HS3ST4: variants seen among roughly 807,000 people sequenced by gnomAD.
HS3ST4 encodes the protein heparan sulfate glucosamine 3-O-sulfotransferase 4.
HS3ST4 carries 17 observed loss-of-function variants against 29.2 expected under a neutral mutation model. That is an observed-to-expected ratio of 0.58 (90% confidence interval 0.40 to 0.87). The LOEUF is 0.87. Among genes scored for constraint, HS3ST4 ranks in the 40% least tolerant of loss-of-function variants. The pLI, the probability that HS3ST4 is intolerant of heterozygous loss-of-function variation, is 0.00. For synonymous variants in HS3ST4, 314 were observed against 285.7 expected (o/e 1.10, Z -1.00); for missense variants, 627 against 634.5 (o/e 0.99, Z 0.13).
chr16:25,864,063 T>C (rs1420238547), intron 1 of HS3ST4, among the ~76,000 whole-genome samples: 2 of 152,172 alleles, frequency 1.3e-5, no homozygotes, highest in East Asian at 3.9e-4. Context: ...CGCCCTCTTC[T>C]CTCTGTGTGT....
intron 1 of HS3ST4, among the ~76,000 whole-genome samples, chr16:25,828,272 C>CTT (rs1416304002): frequency 1.2e-5 from 1 of 86,292 alleles, no homozygotes; most frequent in Non-Finnish European, 2.3e-5. Flanking sequence ...TTCTTTCTTT[C>CTT]TTTCTTTCTT....
At chr16:25,769,890 G>A (rs1966839730) in intron 1 of HS3ST4, among the ~76,000 whole-genome samples, 1 of 152,128 alleles carries the variant, frequency 6.6e-6, no homozygotes, top group Non-Finnish European at 1.5e-5. Context: ...GCAAAGGCAG[G>A]AGGAGAACCC....
At chr16:25,706,834 A>G (rs1966379284) in intron 1 of HS3ST4, among the ~76,000 whole-genome samples, 1 of 152,248 alleles carries the variant, frequency 6.6e-6, no homozygotes, top group Admixed American at 6.5e-5. Flanking sequence ...ATGTAATTCC[A>G]AGGAATTGTA....
chr16:26,043,112 C>G (rs1305604325), intron 1 of HS3ST4, among the ~76,000 whole-genome samples: 4 of 152,106 alleles, frequency 2.6e-5, no homozygotes, highest in African/African-American at 9.7e-5. Flanking sequence ...TATCTATATA[C>G]CTACCTACCT....
intron 1 of HS3ST4, among the ~76,000 whole-genome samples, chr16:25,759,423 T>C (rs1344760631): frequency 6.6e-6 from 1 of 152,224 alleles, no homozygotes. Flanking sequence ...CTTGAGTAGC[T>C]TGCAGTCTAG....
intron 1 of HS3ST4, among the ~76,000 whole-genome samples, chr16:25,968,537 C>T (rs1968866202): frequency 6.6e-6 from 1 of 152,070 alleles, no homozygotes; most frequent in East Asian, 1.9e-4. Flanking sequence ...TTTCTATTTT[C>T]CTGCATTCAG....
At chr16:25,800,048 T>TCTTG (rs1174624230) in intron 1 of HS3ST4, among the ~76,000 whole-genome samples, 9 of 151,010 alleles carry the variant, frequency 6.0e-5, no homozygotes, top group South Asian at 2.1e-4. Context: ...CTTCCTTCCT[T>TCTTG]CCTTCTTGCC....
chr16:26,055,274 T>A (rs1466411518), intron 1 of HS3ST4, among the ~76,000 whole-genome samples: 1 of 152,170 alleles, frequency 6.6e-6, no homozygotes, highest in East Asian at 1.9e-4. Flanking sequence ...GATGTGTGGC[T>A]GTGGCTAAGT....
chr16:26,047,394 C>A (rs547528466), intron 1 of HS3ST4, among the ~76,000 whole-genome samples: 1 of 152,192 alleles, frequency 6.6e-6, no homozygotes, highest in South Asian at 2.1e-4. Flanking sequence ...CTGTAGCAAC[C>A]TTTCATTTAT....
intron 1 of HS3ST4, among the ~76,000 whole-genome samples, chr16:25,717,948 G>C (rs778434279): frequency 1.3e-5 from 2 of 152,112 alleles, no homozygotes; most frequent in African/African-American, 4.8e-5. Flanking sequence ...ATGGAAAGAA[G>C]TGGCTGACTT....
At position 26,136,777 on chromosome 16, in the gene HS3ST4, T is replaced by G. The variant is rs1008031416; in HGVS notation, c.*529T>G. On this transcript the variant is annotated 3_prime_UTR_variant, in exon 2 of 2. Coordinates refer to ENST00000331351, the MANE Select transcript of HS3ST4 (RefSeq NM_006040.3). ...CCTCCCTCTAAGGTGTTTCTAGTCT[T>G]CTCTTTAAAGGTCTCATCCCACAAC... 6.4e-6 allele frequency: 1 copy of G among 157,408 alleles called. No homozygotes were observed. The highest frequency in any genetic ancestry group is 1.4e-5 in the Non-Finnish European group (1 of 71,024). 9.8% of individuals were successfully genotyped at this position (157,408 alleles called of 1,614,324 possible).
In HS3ST4 at chr16:25,694,895, C is replaced by T. The variant is rs936385071; in HGVS notation, c.734+1744C>T. Among the ~76,000 whole-genome samples the T allele has an allele frequency of 1.2e-4, 18 of 144,948 alleles. 1 individual carries two copies. Among genetic ancestry groups the T allele is most frequent in the Admixed American group, 4.3e-4 (6 of 13,884 alleles). ...TTTGTGGCAGCTGGAAACAGAGGGC[C>T]GGGGGTGTTTTATTTGGGTGACTTA... is the stretch of plus-strand genomic sequence containing the variant. On this transcript the variant is annotated intron_variant, in intron 1 of 1. Transcript: ENST00000331351.
At chr16:25,937,979 A>G (rs1968533485) in intron 1 of HS3ST4, among the ~76,000 whole-genome samples, 1 of 152,176 alleles carries the variant, frequency 6.6e-6, no homozygotes, top group Admixed American at 6.5e-5. Flanking sequence ...GGAAATGCGC[A>G]GGGTTGGAGA....
chr16:26,030,371 A>C (rs752867356), intron 1 of HS3ST4, among the ~76,000 whole-genome samples: 1 of 152,132 alleles, frequency 6.6e-6, no homozygotes, highest in Non-Finnish European at 1.5e-5. Context: ...GTGCCGTTGC[A>C]CTCTAGCCTA....
At chr16:25,816,919 A>G (rs534047127) in intron 1 of HS3ST4, among the ~76,000 whole-genome samples, 1 of 152,248 alleles carries the variant, frequency 6.6e-6, no homozygotes, top group Admixed American at 6.5e-5. Context: ...GAGATAACCC[A>G]TTAATCCATT....
At chr16:26,090,085 G>A (rs1292339959) in intron 1 of HS3ST4, among the ~76,000 whole-genome samples, 1 of 152,070 alleles carries the variant, frequency 6.6e-6, no homozygotes, top group Non-Finnish European at 1.5e-5. Flanking sequence ...ACACATTACA[G>A]GTACTTAATA....
intron 1 of HS3ST4, among the ~76,000 whole-genome samples, chr16:26,004,245 TAGAA>T (rs1238483160): frequency 2.0e-5 from 3 of 152,144 alleles, no homozygotes; most frequent in African/African-American, 7.2e-5. Context: ...GTTGGATAAA[TAGAA>T]AGTATTATGG....
At chr16:25,929,450 T>C (rs1567274610) in intron 1 of HS3ST4, among the ~76,000 whole-genome samples, 1 of 152,126 alleles carries the variant, frequency 6.6e-6, no homozygotes, top group Non-Finnish European at 1.5e-5. Flanking sequence ...GAACCAGTAC[T>C]ATCCTCCAGG....
chr16:25,816,219 C>A (rs939419766), intron 1 of HS3ST4, among the ~76,000 whole-genome samples: 1 of 152,150 alleles, frequency 6.6e-6, no homozygotes, highest in African/African-American at 2.4e-5. Context: ...CTGCATGAGA[C>A]CATTTCTGAC....
Sources: gnomAD v4.1 joint callset for allele counts (sites outside exome capture counted in the v4.1 genomes callset) on GRCh38, gnomAD v4.1.1 for gene constraint, MANE v1.5 for transcripts, NCBI Gene and HGNC (gene_info 2026-07-23, HGNC 2026-07-21) for gene names.